Variants in EPHA2 observed in about 807,000 individuals in gnomAD.
The protein encoded by EPHA2 is ephrin type-A receptor 2.
Under a neutral mutation model 104.9 loss-of-function variants are expected in EPHA2, and 54 were observed. That is an observed-to-expected ratio of 0.51 (90% CI 0.41 to 0.65). The LOEUF (loss-of-function observed/expected upper bound fraction) is 0.65, where lower values mean the gene tolerates loss of function less well. Among genes scored for constraint, EPHA2 ranks in the 30% least tolerant of loss-of-function variants. The probability of loss-of-function intolerance (pLI) is 0.00; values close to 1 mark genes in which losing one functional copy is unlikely to be tolerated. For missense variants in EPHA2, 1,117 were observed against 1,369.5 expected, an observed-to-expected ratio of 0.82 and a Z score of 2.91; for synonymous variants, 560 against 559.1, an observed-to-expected ratio of 1.00 and a Z score of -0.02.
intron 3 of EPHA2, among the ~76,000 whole-genome samples, chr1:16,145,987 G>A (rs1244451574): frequency 6.6e-6 from 1 of 152,228 alleles, no homozygotes; most frequent in Non-Finnish European, 1.5e-5. Context: ...TAAAGCGCTT[G>A]CTTGGCTCAG....
chr1:16,146,236 A>G (rs1456656248), intron 3 of EPHA2, among the ~76,000 whole-genome samples: 1 of 152,184 alleles, frequency 6.6e-6, no homozygotes, highest in Non-Finnish European at 1.5e-5. Flanking sequence ...ACTAAGTCGG[A>G]AATTTCGCTC....
At position 16,128,376 on chromosome 1, in the gene EPHA2, CCT is replaced by C. The variant is rs2024507598; in HGVS notation, c.2825+1056_2825+1057del. 6.6e-6 allele frequency among the ~76,000 whole-genome samples: 1 copy of C among 152,314 alleles called. No homozygotes were observed. Among genetic ancestry groups the C allele is most frequent in the South Asian group, 2.1e-4 (1 of 4,814 alleles). ...GCCTGCTTCCCATCACCGACTGTCC[CCT>C]GAGGGAGGCTATGGCCTTGGCCAGC... On this transcript the variant is annotated intron_variant, in intron 16 of 16. Transcript: ENST00000358432. This position sits in a 1 kb window ranked among gnomAD's most constrained non-coding sequence, Gnocchi z 4.7.
chr1:16,142,835 T>C, intron 3 of EPHA2, among the ~76,000 whole-genome samples: 1 of 143,928 alleles, frequency 6.9e-6, no homozygotes, highest in African/African-American at 2.6e-5. Context: ...GGTGGATGGC[T>C]GGGTGGAGGG....
In EPHA2 at chr1:16,130,327, C is replaced by T. The variant is rs754016756; in HGVS notation, c.2568G>A (p.Gln856=). The change falls in exon 15 of 17, where the codon CAG becomes CAA. Residue 856 remains glutamine (Q), a synonymous_variant. Transcript: ENST00000358432. This position sits in a 1 kb window ranked among gnomAD's most constrained non-coding sequence, Gnocchi z 4.5. ...CGAACTTGGGGCGGCGGGCACGCTC[C>T]TGCTGCCAGCACTGCATCATGAGCT... ...IYQLMMQCWQ[Q]ERARRPKFAD... 6.2e-7 allele frequency: 1 copy of T among 1,605,340 alleles called. No individual in the cohort carries two copies. The highest frequency in any genetic ancestry group is 8.5e-7 in the Non-Finnish European group (1 of 1,173,738).
At chr1:16,133,828 G>A in intron 9 of EPHA2, 32 bp downstream of exon 9, 1 of 1,534,660 alleles carries the variant, frequency 6.5e-7, no homozygotes, top group Non-Finnish European at 8.8e-7. Flanking sequence ...GGTGCGGGCA[G>A]GGCTGGGCCT....
At chr1:16,140,767 G>A (rs542770478) in intron 3 of EPHA2, among the ~76,000 whole-genome samples, 1 of 152,258 alleles carries the variant, frequency 6.6e-6, no homozygotes, top group South Asian at 2.1e-4. Context: ...TACAGGCACC[G>A]GCCATCAAGC....
In EPHA2 at chr1:16,125,931, G is replaced by C. The variant is rs561475251; in HGVS notation, c.2826-611C>G. ...TTCCCACTGCTGATCATGAAGGAAG[G>C]ACTTGGGAAATACTTGAAGGGTTAA... On this transcript the variant is annotated intron_variant, in intron 16 of 16. Transcript: ENST00000358432. The surrounding 1 kb of genome is among the most constrained non-coding windows in gnomAD (Gnocchi z 4.9). 2.0e-5 allele frequency among the ~76,000 whole-genome samples: 3 copies of C among 152,284 alleles called. No homozygotes were observed. The South Asian group carries it at 6.2e-4, about 32-fold the overall frequency.
Position 16,135,519 on chromosome 1 carries a change from G to C in EPHA2, c.1428+136C>G. The C allele has an allele frequency of 1.2e-6, 1 of 864,346 alleles. No individual in the cohort carries two copies. The highest frequency in any genetic ancestry group is 1.9e-6 in the Non-Finnish European group (1 of 518,590). 53.5% of individuals were successfully genotyped at this position (864,346 alleles called of 1,614,324 possible). On this transcript the variant is annotated intron_variant, in intron 6 of 16. Coordinates refer to ENST00000358432, the MANE Select transcript of EPHA2 (RefSeq NM_004431.5). This position sits in a 1 kb window ranked among gnomAD's most constrained non-coding sequence, Gnocchi z 4.3. The stretch of plus-strand genomic sequence containing the variant: ...CCTTGGGAGATGTAACCCCCTGGCA[G>C]ACCCCAGGCCTCAGTTTCCCCATCT...
At position 16,156,061 on chromosome 1, in the gene EPHA2, G is replaced by A; in HGVS notation, c.-129C>T. On this transcript the variant is annotated 5_prime_UTR_variant, in exon 1 of 17. Transcript: ENST00000358432. ...GCAACTTCTGCCCCTCCTGCCCCGAGTCCTTAATGGAAGTTGGGTGAGAAC... is the reference window on the plus strand; with the variant it reads ...GCAACTTCTGCCCCTCCTGCCCCGAATCCTTAATGGAAGTTGGGTGAGAAC... The A allele has an allele frequency of 1.5e-6, 1 of 685,708 alleles. No individual in the cohort carries two copies. Among genetic ancestry groups the A allele is most frequent in the Non-Finnish European group, 2.2e-6 (1 of 460,836 alleles). 42.5% of individuals were successfully genotyped at this position (685,708 alleles called of 1,614,324 possible).
chr1:16,136,603 G>T (rs1387630647), intron 5 of EPHA2, among the ~76,000 whole-genome samples: 1 of 145,030 alleles, frequency 6.9e-6, no homozygotes, highest in African/African-American at 2.5e-5. Flanking sequence ...TGGGCAACAA[G>T]AGCAAAACTC....
chr1:16,133,942 T>C, intron 8 of EPHA2, 27 bp from the exon 9 acceptor site: 1 of 1,550,246 alleles, frequency 6.5e-7, no homozygotes, highest in Non-Finnish European at 8.7e-7. Flanking sequence ...GGGAACCAAA[T>C]GCAGGGAGGT....
At position 16,132,139 on chromosome 1, in the gene EPHA2, G is replaced by T. The variant is rs2024581669; in HGVS notation, c.2250C>A (p.Asn750Lys). Residue 750 changes from asparagine to lysine, a missense_variant, in exon 13 of 17, where the codon AAC (asparagine) becomes AAA (lysine). Transcript: ENST00000358432. ...LAARNILVNS[N>K]LVCKVSDFGL... ...CAAAGTCAGACACCTTGCAGACCAG[G>T]TTGCTGTTGACGAGGATGTTGCGGG... 6.2e-7 allele frequency: 1 copy of T among 1,614,118 alleles called. No homozygotes were observed. Among genetic ancestry groups the T allele is most frequent in the Non-Finnish European group, 8.5e-7 (1 of 1,180,044 alleles).
In EPHA2 at chr1:16,135,940, G is replaced by A. The variant is rs2024676241; in HGVS notation, c.1313-170C>T. ...GGCTCGAGTGCAGTGGCATGATCTC[G>A]GCCCACTACAGCTTTGAACTCCTGT... On this transcript the variant is annotated intron_variant, in intron 5 of 16. Coordinates refer to ENST00000358432, the MANE Select transcript of EPHA2 (RefSeq NM_004431.5). The surrounding 1 kb of genome is among the most constrained non-coding windows in gnomAD (Gnocchi z 4.3). Among the ~76,000 whole-genome samples the A allele has an allele frequency of 6.6e-6, 1 of 152,046 alleles. No individual in the cohort carries two copies. The highest frequency in any genetic ancestry group is 6.5e-5 in the Admixed American group (1 of 15,270).
Position 16,130,125 on chromosome 1 carries a change from C to G in EPHA2, c.2669+101G>C. Reference sequence around the variant, plus strand: ...CACATAACCTCTTAGCCCCCAGCACCCCCCCTACCAGCTTCACCTGGGTGG... The same window carrying G: ...CACATAACCTCTTAGCCCCCAGCACGCCCCCTACCAGCTTCACCTGGGTGG... On this transcript the variant is annotated intron_variant, in intron 15 of 16. Transcript: ENST00000358432. The surrounding 1 kb of genome is among the most constrained non-coding windows in gnomAD (Gnocchi z 4.5). The G allele has an allele frequency of 6.6e-7, 1 of 1,515,462 alleles. No individual in the cohort carries two copies. The highest frequency in any genetic ancestry group is 9.1e-7 in the Non-Finnish European group (1 of 1,096,422). 93.9% of individuals were successfully genotyped at this position (1,515,462 alleles called of 1,614,324 possible).
intron 3 of EPHA2, among the ~76,000 whole-genome samples, chr1:16,141,411 C>T (rs1468964104): frequency 1.3e-5 from 2 of 152,258 alleles, no homozygotes; most frequent in East Asian, 3.8e-4. Flanking sequence ...AAATAGCTCT[C>T]TCCTCCACCA....
chr1:16,137,713 C>A (rs1042305170), intron 5 of EPHA2, 140 bp downstream of exon 5: 4 of 1,012,350 alleles, frequency 4.0e-6, no homozygotes, highest in Admixed American at 4.3e-5. Context: ...ACGGGTTGGA[C>A]AAGCTTGCTC....
At chr1:16,153,527 T>G (rs2025085930) in intron 1 of EPHA2, among the ~76,000 whole-genome samples, 1 of 152,188 alleles carries the variant, frequency 6.6e-6, no homozygotes, top group East Asian at 1.9e-4. Flanking sequence ...CTATGCCTGC[T>G]TCCCAGGAAA....
rs1042570100 is a variant in EPHA2 at position 16,126,300 on chromosome 1, C to T, written c.2826-980G>A. Among the ~76,000 whole-genome samples, 6 of 152,200 alleles carry T rather than the reference C, an allele frequency of 3.9e-5. No individual in the cohort carries two copies. In the East Asian group the frequency reaches 5.8e-4, roughly 15 times the overall value. ...TCACTTTGGGAGTTTTCTCCTCCAC[C>T]GTCCTCACCCACTAGCCCAAACCCA... On this transcript the variant is annotated intron_variant, in intron 16 of 16. Coordinates refer to ENST00000358432, the MANE Select transcript of EPHA2 (RefSeq NM_004431.5).
intron 1 of EPHA2, among the ~76,000 whole-genome samples, chr1:16,152,777 C>A (rs2124273425): frequency 6.6e-6 from 1 of 152,308 alleles, no homozygotes; most frequent in South Asian, 2.1e-4. Flanking sequence ...AGGGCCCTCC[C>A]TTTCCAGCCT....
Sources: gnomAD v4.1 joint callset for allele counts (sites outside exome capture counted in the v4.1 genomes callset) on GRCh38, gnomAD v4.1.1 for gene constraint, Gnocchi (gnomAD v3.1) non-coding constraint, MANE v1.5 for transcripts, NCBI Gene and HGNC (gene_info 2026-07-23, HGNC 2026-07-21) for gene names.